Variants in MTERF3 observed in about 807,000 individuals in gnomAD.
The protein encoded by MTERF3 is mitochondrial transcription termination factor 3.
Under a neutral mutation model 40.5 loss-of-function variants are expected in MTERF3, and 40 were observed. That is an observed-to-expected ratio of 0.99 (90% CI 0.77 to 1.29). The LOEUF is 1.29. Among genes scored for constraint, MTERF3 ranks in the 50% most tolerant of loss-of-function variants. MTERF3 has a pLI of 0.00. For synonymous variants in MTERF3, 158 were observed against 166.6 expected, an observed-to-expected ratio of 0.95 and a Z score of 0.40; for missense variants, 452 against 478.2, an observed-to-expected ratio of 0.95 and a Z score of 0.51.
Position 96,250,673 on chromosome 8 carries a change from A to AGAG in MTERF3, c.677+232_677+233insCTC, listed in dbSNP as rs1586169024. 1.0e-4 allele frequency among the ~76,000 whole-genome samples: 4 copies of AGAG among 40,074 alleles called. 2 individuals carry two copies. The highest frequency in any genetic ancestry group is 1.8e-4 in the Non-Finnish European group (4 of 21,644). The allele number at this position is 40,074 out of a possible 152,430, so 26.3% of individuals were successfully genotyped here. A position where few individuals can be genotyped will look rare whatever the true frequency, so the allele number is the denominator to read the frequency against. On this transcript the variant is annotated intron_variant, in intron 4 of 7. Coordinates refer to ENST00000287025, the MANE Select transcript of MTERF3 (RefSeq NM_015942.5). ...AAGAAGAAGAAGAAGAAGAAGAAGA[A>AGAG]GAAGAAGAAGGAGGAGGAGGAGGGG... is the stretch of plus-strand genomic sequence containing the variant.
chr8:96,243,463 A>C (rs1482170512), intron 7 of MTERF3, among the ~76,000 whole-genome samples: 1 of 152,252 alleles, frequency 6.6e-6, no homozygotes, highest in Non-Finnish European at 1.5e-5. Flanking sequence ...ACAGCAGATA[A>C]TATCACTCAC....
At chr8:96,257,221 A>T in intron 2 of MTERF3, 107 bp from the exon 3 acceptor site, 1 of 1,201,480 alleles carries the variant, frequency 8.3e-7, no homozygotes, top group East Asian at 2.5e-5. Context: ...AAATCTTGGG[A>T]TCATTTTAGA....
At chr8:96,255,059 G>C (rs1450876350) in intron 3 of MTERF3, among the ~76,000 whole-genome samples, 1 of 152,202 alleles carries the variant, frequency 6.6e-6, no homozygotes, top group African/African-American at 2.4e-5. Flanking sequence ...ATCAGGAAAA[G>C]CTTTGATGCC....
intron 7 of MTERF3, 116 bp downstream of exon 7, chr8:96,243,803 C>T (rs2129876242): frequency 9.0e-7 from 1 of 1,116,996 alleles, no homozygotes; most frequent in Non-Finnish European, 1.3e-6. Context: ...AGGAGATGGA[C>T]ATTTGCGCCC....
At chr8:96,241,700 C>T (rs944097640) in intron 7 of MTERF3, among the ~76,000 whole-genome samples, 2 of 151,998 alleles carry the variant, frequency 1.3e-5, no homozygotes, top group Non-Finnish European at 2.9e-5. Flanking sequence ...GAGTTGTTGG[C>T]CACCAGGGGC....
At position 96,261,539 on chromosome 8, in the gene MTERF3, G is replaced by C. The variant is rs1455554776; in HGVS notation, c.-49C>G. On this transcript the variant is annotated 5_prime_UTR_variant, in exon 1 of 8. Coordinates refer to ENST00000287025, the MANE Select transcript of MTERF3 (RefSeq NM_015942.5). ...TGCTTCCCGTAGCGGGTGACCCCGGGACCGACCAACTCGCTGGGCCGCACG... is the reference window on the plus strand; with the variant it reads ...TGCTTCCCGTAGCGGGTGACCCCGGCACCGACCAACTCGCTGGGCCGCACG... 6.5e-6 allele frequency: 1 copy of C among 154,432 alleles called. No homozygotes were observed. The highest frequency in any genetic ancestry group is 1.4e-5 in the Non-Finnish European group (1 of 69,542). The allele number at this position is 154,432 out of a possible 1,614,324, so 9.6% of individuals were successfully genotyped here. A position where few individuals can be genotyped will look rare whatever the true frequency, so the allele number is the denominator to read the frequency against.
At chr8:96,251,763 G>T (rs571573902) in intron 3 of MTERF3, among the ~76,000 whole-genome samples, 1 of 151,970 alleles carries the variant, frequency 6.6e-6, no homozygotes, top group Non-Finnish European at 1.5e-5. Context: ...AAAAAAAATC[G>T]TCATATTCAT....
intron 5 of MTERF3, 105 bp from the exon 6 acceptor site, chr8:96,246,036 C>A: frequency 2.8e-6 from 3 of 1,069,614 alleles, no homozygotes; most frequent in East Asian, 2.5e-5. Flanking sequence ...TAAAATATGA[C>A]CCAATCAGAA....
intron 3 of MTERF3, among the ~76,000 whole-genome samples, chr8:96,253,126 T>C (rs1367672731): frequency 6.6e-6 from 1 of 152,164 alleles, no homozygotes; most frequent in Non-Finnish European, 1.5e-5. Context: ...ACGTATTTAG[T>C]ACATCAATCA....
chr8:96,261,256 C>T (rs1286105289), intron 1 of MTERF3, among the ~76,000 whole-genome samples: 1 of 152,230 alleles, frequency 6.6e-6, no homozygotes, highest in East Asian at 1.9e-4. Context: ...ACTTCAGTTC[C>T]CCAAACTTGC....
In MTERF3 at chr8:96,239,478, C is replaced by T. The variant is rs1809878713; in HGVS notation, c.*13G>A. The T allele has an allele frequency of 6.4e-7, 1 of 1,558,602 alleles. No homozygotes were observed. The highest frequency in any genetic ancestry group is 2.0e-5 in the Admixed American group (1 of 50,448). Reference sequence around the variant, plus strand: ...TTCACTTTACAATACTGCATTTTAACATACATAAAAATCTAAAGCGTTTTT... The same window carrying T: ...TTCACTTTACAATACTGCATTTTAATATACATAAAAATCTAAAGCGTTTTT... On this transcript the variant is annotated 3_prime_UTR_variant, in exon 8 of 8. Transcript: ENST00000287025.
At chr8:96,240,109 G>A (rs1391011274) in intron 7 of MTERF3, among the ~76,000 whole-genome samples, 1 of 152,100 alleles carries the variant, frequency 6.6e-6, no homozygotes, top group Non-Finnish European at 1.5e-5. Context: ...TTAGCTGGGC[G>A]TGGTGGCGCA....
At chr8:96,257,188 C>T (rs1810296930) in intron 2 of MTERF3, 74 bp from the exon 3 acceptor site, 4 of 1,412,066 alleles carry the variant, frequency 2.8e-6, no homozygotes, top group African/African-American at 1.4e-5. Context: ...CAGCTCTTCC[C>T]TTGTTTGCTT....
intron 4 of MTERF3, among the ~76,000 whole-genome samples, chr8:96,250,413 TA>T (rs558522058): frequency 6.9e-6 from 1 of 145,276 alleles, no homozygotes; most frequent in African/African-American, 2.5e-5. Flanking sequence ...GTTGAAAACA[TA>T]AAAATAATAA....
chr8:96,240,281 A>G (rs1292189675), intron 7 of MTERF3, among the ~76,000 whole-genome samples: 2 of 151,482 alleles, frequency 1.3e-5, no homozygotes, highest in Admixed American at 6.6e-5. Flanking sequence ...CTCAAGCCTC[A>G]CCCCAAAACT....
chr8:96,250,156 C>G (rs1019418350), intron 4 of MTERF3, among the ~76,000 whole-genome samples: 1 of 151,908 alleles, frequency 6.6e-6, no homozygotes, highest in Non-Finnish European at 1.5e-5. Flanking sequence ...AAGAAGAAAA[C>G]AAGGAACAAC....
intron 7 of MTERF3, among the ~76,000 whole-genome samples, chr8:96,243,590 T>C (rs1809967040): frequency 6.6e-6 from 1 of 152,164 alleles, no homozygotes; most frequent in South Asian, 2.1e-4. Flanking sequence ...GGCTTATTGA[T>C]TCATGAATTT....
In MTERF3 at chr8:96,261,495, C is replaced by G. The variant is rs942048271; in HGVS notation, c.-11+6G>C. On this transcript the variant is annotated splice_donor_region_variant and intron_variant, in intron 1 of 7. Coordinates refer to ENST00000287025, the MANE Select transcript of MTERF3 (RefSeq NM_015942.5). ...GATCCTCGTGCTGGGGCAGCTCCTG[C>G]TTTACCTGTGGCGAGGCCTGCTTCC... is the stretch of plus-strand genomic sequence containing the variant. 1 of 152,574 alleles carries G rather than the reference C, an allele frequency of 6.6e-6. No homozygotes were observed. The highest frequency in any genetic ancestry group is 1.9e-4 in the East Asian group (1 of 5,184). The allele number at this position is 152,574 out of a possible 1,614,324, so 9.5% of individuals were successfully genotyped here.
chr8:96,247,021 G>A (rs1175040924), intron 4 of MTERF3, among the ~76,000 whole-genome samples: 1 of 152,090 alleles, frequency 6.6e-6, no homozygotes, highest in Non-Finnish European at 1.5e-5. Flanking sequence ...TGCCCAGGCT[G>A]GAGTGCAGTG....
Sources: allele counts gnomAD v4.1 joint callset (sites outside exome capture counted in the v4.1 genomes callset), GRCh38; gene constraint gnomAD v4.1.1; transcripts MANE v1.5; gene names NCBI Gene and HGNC (gene_info 2026-07-23, HGNC 2026-07-21).